The following ANKRD12 variants were observed in gnomAD, a reference collection of about 807,000 sequenced individuals.
ANKRD12 encodes the protein ankyrin repeat domain-containing protein 12.
ANKRD12 carries 85 observed loss-of-function variants against 183.4 expected under a neutral mutation model. That is an observed-to-expected ratio of 0.46 (90% CI 0.39 to 0.56). The LOEUF (loss-of-function observed/expected upper bound fraction) is 0.56. Ranked by LOEUF, ANKRD12 falls within the 20% of genes least tolerant of loss-of-function variation. The probability of loss-of-function intolerance (pLI) is 0.00; values close to 1 mark genes in which losing one functional copy is unlikely to be tolerated. For missense variants in ANKRD12, 2,405 were observed against 2,357.1 expected (o/e 1.02, Z -0.42); for synonymous variants, 914 against 800.2 (o/e 1.14, Z -2.40).
intron 8 of ANKRD12, among the ~76,000 whole-genome samples, chr18:9,239,851 GTAAC>G (rs1318909596): frequency 6.6e-6 from 1 of 152,162 alleles, no homozygotes; most frequent in Non-Finnish European, 1.5e-5. Context: ...TAAATTTGGA[GTAAC>G]TAAGAGGGTA....
At chr18:9,248,872 C>T (rs2038118306) in intron 8 of ANKRD12, among the ~76,000 whole-genome samples, 1 of 152,156 alleles carries the variant, frequency 6.6e-6, no homozygotes, top group Admixed American at 6.5e-5. Flanking sequence ...TTTGGCACCT[C>T]TTCAGATTGC....
chr18:9,221,158 A>G (rs144100625), intron 7 of ANKRD12, among the ~76,000 whole-genome samples: 3 of 152,360 alleles, frequency 2.0e-5, no homozygotes, highest in Non-Finnish European at 4.4e-5. Flanking sequence ...AAAGAGGTTA[A>G]AACTATGAAA....
chr18:9,157,559 G>GTA (rs200872993), intron 1 of ANKRD12, among the ~76,000 whole-genome samples: 35 of 107,060 alleles, frequency 3.3e-4, no homozygotes, highest in African/African-American at 1.6e-3. Flanking sequence ...GGGTGTGTGT[G>GTA]TGTGTGTGTG....
chr18:9,192,108 A>G (rs576275929), intron 2 of ANKRD12, among the ~76,000 whole-genome samples: 41 of 152,276 alleles, frequency 2.7e-4, no homozygotes, highest in African/African-American at 9.1e-4. Flanking sequence ...GTGAGTAACA[A>G]TCTTTTCCAT....
Position 9,256,103 on chromosome 18 carries a change from T to G in ANKRD12, c.2836T>G (p.Ser946Ala). The change falls in exon 9 of 13, where the codon TCA becomes GCA. Residue 946 changes from serine (S) to alanine (A), a missense_variant. By Grantham distance (99) the Ser-to-Ala change is moderately conservative. Coordinates refer to ENST00000262126, the MANE Select transcript of ANKRD12 (RefSeq NM_015208.5). Reference protein sequence around the residue: ...KQSDNSEYSKSEKGKNKEKDR... With the variant: ...KQSDNSEYSKAEKGKNKEKDR... Reference sequence around the variant, plus strand: ...ATCAGATAATAGTGAATACAGTAAATCAGAAAAAGGCAAAAATAAAGAAAA... The same window carrying G: ...ATCAGATAATAGTGAATACAGTAAAGCAGAAAAAGGCAAAAATAAAGAAAA... 1 of 1,549,160 alleles carries G rather than the reference T, an allele frequency of 6.5e-7. No homozygotes were observed. The highest frequency in any genetic ancestry group is 8.6e-7 in the Non-Finnish European group (1 of 1,156,626).
chr18:9,140,004 G>C (rs1274858291), intron 1 of ANKRD12, among the ~76,000 whole-genome samples: 1 of 152,106 alleles, frequency 6.6e-6, no homozygotes, highest in Non-Finnish European at 1.5e-5. Context: ...AAGTGAGAAG[G>C]CCTGGGTTTA....
chr18:9,280,645 T>C (rs1025897750), intron 12 of ANKRD12, among the ~76,000 whole-genome samples: 6 of 152,072 alleles, frequency 3.9e-5, no homozygotes, highest in Non-Finnish European at 7.4e-5. Flanking sequence ...AAAAATTAGC[T>C]GGGCGTGGTG....
chr18:9,209,055 A>T (rs2035637263), intron 5 of ANKRD12, among the ~76,000 whole-genome samples: 1 of 152,194 alleles, frequency 6.6e-6, no homozygotes, highest in South Asian at 2.1e-4. Context: ...ATTAAGATCT[A>T]AATTTTTTTA....
rs145291390 is a variant in ANKRD12, at chr18:9,190,930, G to A, written c.88-4621G>A. Reference sequence around the variant, plus strand: ...ATCGTGGTGGTCTGGAACTGAATCTGCCATATCTCCAAGGTATGCCTTGAT... The same window carrying A: ...ATCGTGGTGGTCTGGAACTGAATCTACCATATCTCCAAGGTATGCCTTGAT... On this transcript the variant is annotated intron_variant, in intron 2 of 12. Transcript: ENST00000262126. Among the ~76,000 whole-genome samples, 445 of 152,226 alleles carry A rather than the reference G, an allele frequency of 2.9e-3. 3 individuals carry two copies. Among genetic ancestry groups the A allele is most frequent in the African/African-American group, 0.01 (432 of 41,526 alleles).
chr18:9,267,870 A>G (rs143731376), intron 10 of ANKRD12, among the ~76,000 whole-genome samples: 79,891 of 150,916 alleles, frequency 0.53, 23,144 homozygotes, highest in South Asian at 0.74. Context: ...TTGATAGACC[A>G]CTAGCAAGAC....
chr18:9,214,248 C>G (rs745447050), intron 6 of ANKRD12, among the ~76,000 whole-genome samples: 1 of 152,108 alleles, frequency 6.6e-6, no homozygotes, highest in Non-Finnish European at 1.5e-5. Flanking sequence ...ATACACAAAT[C>G]TGTTCTAAAA....
chr18:9,216,734 G>A (rs771157945), intron 6 of ANKRD12, 24 bp from the exon 7 acceptor site: 2 of 1,607,998 alleles, frequency 1.2e-6, no homozygotes, highest in East Asian at 4.5e-5. Context: ...AGTGAATCAT[G>A]TTAAATTAAT....
chr18:9,220,227 G>C (rs998643109), intron 7 of ANKRD12, among the ~76,000 whole-genome samples: 13 of 152,062 alleles, frequency 8.5e-5, no homozygotes, highest in African/African-American at 3.1e-4. Flanking sequence ...TCTGTTTCAT[G>C]TTATTCATTT....
intron 1 of ANKRD12, among the ~76,000 whole-genome samples, chr18:9,143,740 G>T (rs928724558): frequency 6.6e-6 from 1 of 152,164 alleles, no homozygotes; most frequent in African/African-American, 2.4e-5. Flanking sequence ...GATTACAGGC[G>T]TGAGCCACCA....
intron 2 of ANKRD12, among the ~76,000 whole-genome samples, chr18:9,185,145 C>T (rs1216574514): frequency 6.6e-6 from 1 of 152,104 alleles, no homozygotes; most frequent in Non-Finnish European, 1.5e-5. Context: ...TGGGATGTAG[C>T]CTATGAAGGA....
intron 1 of ANKRD12, among the ~76,000 whole-genome samples, chr18:9,142,571 T>C (rs1440859882): frequency 6.6e-6 from 1 of 152,204 alleles, no homozygotes; most frequent in South Asian, 2.1e-4. Context: ...AAAACATTCC[T>C]TATACAGCTT....
chr18:9,242,818 T>G (rs2145019799), intron 8 of ANKRD12, among the ~76,000 whole-genome samples: 1 of 152,322 alleles, frequency 6.6e-6, no homozygotes, highest in African/African-American at 2.4e-5. Flanking sequence ...ATTCTCTTCC[T>G]TCCCATCTCA....
chr18:9,199,760 G>A (rs1293802130), intron 3 of ANKRD12, among the ~76,000 whole-genome samples: 2 of 151,288 alleles, frequency 1.3e-5, no homozygotes, highest in Non-Finnish European at 2.9e-5. Flanking sequence ...TAATCTTTAA[G>A]CCTTTTATTT....
intron 8 of ANKRD12, among the ~76,000 whole-genome samples, chr18:9,240,560 C>T (rs2037604014): frequency 6.6e-6 from 1 of 152,190 alleles, no homozygotes; most frequent in East Asian, 1.9e-4. Context: ...TTGTTAACAA[C>T]TTTGCCAGAC....
Sources: allele counts gnomAD v4.1 joint callset (sites outside exome capture counted in the v4.1 genomes callset), GRCh38; gene constraint gnomAD v4.1.1; transcripts MANE v1.5; gene names NCBI Gene and HGNC (gene_info 2026-07-23, HGNC 2026-07-21).